GPC6: variants seen among roughly 807,000 people sequenced by gnomAD.
GPC6 encodes the protein glypican-6.
Under a neutral mutation model 55.2 loss-of-function variants are expected in GPC6, and 14 were observed. The observed-to-expected ratio is 0.25, with a 90% confidence interval of 0.17 to 0.40. The LOEUF (loss-of-function observed/expected upper bound fraction) is 0.40, where lower values mean the gene tolerates loss of function less well. GPC6 is among the 10% of genes least tolerant of loss of function. The pLI is 1.00. For missense variants in GPC6, 641 were observed against 708.5 expected (o/e 0.90, Z 1.08); for synonymous variants, 278 against 259.6 (o/e 1.07, Z -0.68).
chr13:93,836,915 C>T (rs1197294258), intron 3 of GPC6, among the ~76,000 whole-genome samples: 6 of 152,094 alleles, frequency 3.9e-5, no homozygotes, highest in Admixed American at 3.9e-4. Context: ...AGAACATTTT[C>T]CCCTCTAGAA....
At chr13:93,960,668 A>G (rs1312377672) in intron 3 of GPC6, among the ~76,000 whole-genome samples, 1 of 152,072 alleles carries the variant, frequency 6.6e-6, no homozygotes, top group African/African-American at 2.4e-5. Context: ...ATTGGATCCC[A>G]AGTTTTTTTC....
At chr13:94,226,377 A>G (rs376191965) in intron 4 of GPC6, among the ~76,000 whole-genome samples, 11 of 152,106 alleles carry the variant, frequency 7.2e-5, no homozygotes, top group Admixed American at 5.9e-4. Flanking sequence ...TAGGATGGCT[A>G]TAGCTAACAA....
At chr13:93,613,527 CA>C (rs1189596849) in intron 2 of GPC6, among the ~76,000 whole-genome samples, 4 of 119,520 alleles carry the variant, frequency 3.3e-5, no homozygotes, top group African/African-American at 1.6e-4. Context: ...CACACACACA[CA>C]AAACACACAC....
chr13:93,798,602 G>A (rs1275752818), intron 2 of GPC6, among the ~76,000 whole-genome samples: 2 of 152,166 alleles, frequency 1.3e-5, no homozygotes, highest in East Asian at 3.9e-4. Flanking sequence ...CAGTAAGAAG[G>A]TCATTTTGAA....
chr13:93,417,559 A>G (rs1876746134), intron 1 of GPC6, among the ~76,000 whole-genome samples: 1 of 152,076 alleles, frequency 6.6e-6, no homozygotes, highest in Admixed American at 6.6e-5. Context: ...TACTTCTTTC[A>G]TGAAATAACC....
chr13:93,298,136 C>A (rs1236105846), intron 1 of GPC6, among the ~76,000 whole-genome samples: 2 of 152,186 alleles, frequency 1.3e-5, no homozygotes, highest in African/African-American at 4.8e-5. Flanking sequence ...TGGATATGCA[C>A]ACTCACAGAA....
At chr13:93,580,599 C>T (rs1876890125) in intron 2 of GPC6, among the ~76,000 whole-genome samples, 1 of 152,128 alleles carries the variant, frequency 6.6e-6, no homozygotes, top group African/African-American at 2.4e-5. Context: ...AAGTAAAACA[C>T]ATAAAAATAG....
chr13:93,404,906 T>C (rs980453834), intron 1 of GPC6, among the ~76,000 whole-genome samples: 2 of 152,180 alleles, frequency 1.3e-5, no homozygotes, highest in African/African-American at 2.4e-5. Flanking sequence ...CTCATTCTGG[T>C]TAATCACCTC....
At chr13:93,705,072 A>T (rs532106278) in intron 2 of GPC6, among the ~76,000 whole-genome samples, 2 of 151,962 alleles carry the variant, frequency 1.3e-5, no homozygotes, top group Admixed American at 6.6e-5. Flanking sequence ...TTGGGGATTC[A>T]TGGCAACAGA....
At chr13:94,046,348 A>G (rs1883732677) in intron 4 of GPC6, among the ~76,000 whole-genome samples, 1 of 151,988 alleles carries the variant, frequency 6.6e-6, no homozygotes, top group African/African-American at 2.4e-5. Context: ...TGCAGAATAT[A>G]CTCTGAAGTG....
intron 2 of GPC6, among the ~76,000 whole-genome samples, chr13:93,559,933 G>A (rs977512052): frequency 6.6e-6 from 1 of 152,060 alleles, no homozygotes; most frequent in Non-Finnish European, 1.5e-5. Context: ...TTTTTGAAGA[G>A]GCCAAGACAT....
At chr13:93,863,027 A>G (rs1013119590) in intron 3 of GPC6, among the ~76,000 whole-genome samples, 1 of 151,690 alleles carries the variant, frequency 6.6e-6, no homozygotes, top group Non-Finnish European at 1.5e-5. Flanking sequence ...GAACAAGGAT[A>G]TGTCCCTTCC....
At chr13:93,935,573 A>G (rs1878395276) in intron 3 of GPC6, among the ~76,000 whole-genome samples, 1 of 152,130 alleles carries the variant, frequency 6.6e-6, no homozygotes, top group Non-Finnish European at 1.5e-5. Context: ...GAGTGCAGGA[A>G]ATTTTGCCTA....
At chr13:93,455,343 A>G (rs2139307585) in intron 1 of GPC6, among the ~76,000 whole-genome samples, 1 of 152,230 alleles carries the variant, frequency 6.6e-6, no homozygotes, top group Non-Finnish European at 1.5e-5. Context: ...GCACGCTGTC[A>G]CCTCTCAGTA....
chr13:93,880,281 C>G (rs1438287144), intron 3 of GPC6, among the ~76,000 whole-genome samples: 4 of 151,868 alleles, frequency 2.6e-5, no homozygotes, highest in Non-Finnish European at 5.9e-5. Flanking sequence ...TTTATTGCGG[C>G]ATTATTCACA....
chr13:93,542,133 A>G (rs534026809), intron 1 of GPC6, among the ~76,000 whole-genome samples: 1 of 152,040 alleles, frequency 6.6e-6, no homozygotes, highest in African/African-American at 2.4e-5. Context: ...CCTAGGTTTT[A>G]TTCTAGGGTT....
intron 1 of GPC6, among the ~76,000 whole-genome samples, chr13:93,453,243 C>G (rs1878295738): frequency 6.6e-6 from 1 of 152,174 alleles, no homozygotes; most frequent in African/African-American, 2.4e-5. Flanking sequence ...ATTCTAAAAT[C>G]CTTCCTCTTC....
intron 1 of GPC6, among the ~76,000 whole-genome samples, chr13:93,515,439 A>G (rs552499767): frequency 1.3e-5 from 2 of 152,270 alleles, no homozygotes; most frequent in East Asian, 3.9e-4. Context: ...TTTATAATAC[A>G]TTTAATAGAT....
chr13:94,164,230 A>G (rs1232847393), intron 4 of GPC6, among the ~76,000 whole-genome samples: 2 of 152,206 alleles, frequency 1.3e-5, no homozygotes, highest in Non-Finnish European at 2.9e-5. Context: ...GTCCTGTGTT[A>G]CTTACATAGC....
Sources: gnomAD v4.1 joint callset for allele counts (sites outside exome capture counted in the v4.1 genomes callset) on GRCh38, gnomAD v4.1.1 for gene constraint, MANE v1.5 for transcripts, NCBI Gene and HGNC (gene_info 2026-07-23, HGNC 2026-07-21) for gene names.